Variants in ABCC9 observed in about 807,000 individuals in gnomAD.
ABCC9 encodes ATP binding cassette subfamily C member 9.
A neutral mutation model predicts 188.3 loss-of-function variants in ABCC9; 95 were observed. The ratio of observed to expected loss-of-function variants is 0.50; its 90% CI spans 0.43 to 0.60. ABCC9 has a LOEUF of 0.60. Ranked by LOEUF, ABCC9 falls within the 20% of genes least tolerant of loss-of-function variation. The pLI is 0.00. For synonymous variants in ABCC9, 659 were observed against 652.7 expected, an observed-to-expected ratio of 1.01 and a Z score of -0.15; for missense variants, 1,102 against 1,876.3, an observed-to-expected ratio of 0.59 and a Z score of 7.62.
chr12:21,857,674 A>G (rs777449319), intron 22 of ABCC9, among the ~76,000 whole-genome samples: 2 of 152,146 alleles, frequency 1.3e-5, no homozygotes, highest in Non-Finnish European at 2.9e-5. Context: ...AGAGAGGAAG[A>G]CGTGACTATG....
chr12:21,893,440 T>C (rs771414423), intron 14 of ABCC9, among the ~76,000 whole-genome samples: 8 of 152,182 alleles, frequency 5.3e-5, no homozygotes, highest in Non-Finnish European at 1.2e-4. Context: ...GGCACAGCTT[T>C]AGTGGAAAAC....
intron 30 of ABCC9, chr12:21,831,037 T>C (rs1943731298): frequency 6.7e-6 from 1 of 148,672 alleles, no homozygotes; most frequent in African/African-American, 2.5e-5. Context: ...TCTCTCTATA[T>C]ACACACACGC....
intron 11 of ABCC9, 143 bp from the exon 12 acceptor site, chr12:21,906,431 G>T: frequency 1.3e-6 from 1 of 782,116 alleles, no homozygotes; most frequent in Non-Finnish European, 2.0e-6. Flanking sequence ...GTTCCCAGGA[G>T]AAGCAATTAA....
chr12:21,907,893 A>G (rs536875288), intron 11 of ABCC9, among the ~76,000 whole-genome samples, 184 bp downstream of exon 11: 2 of 152,146 alleles, frequency 1.3e-5, no homozygotes, highest in South Asian at 4.1e-4. Context: ...CAAGTTTTAA[A>G]TTTCCAATCC....
chr12:21,864,680 G>A (rs1315551467), intron 18 of ABCC9, among the ~76,000 whole-genome samples: 1 of 152,082 alleles, frequency 6.6e-6, no homozygotes, highest in South Asian at 2.1e-4. Context: ...TAATTGCTTA[G>A]TAAGCTTCTA....
intron 25 of ABCC9, 51 bp downstream of exon 25, chr12:21,848,099 C>T (rs1167151867): frequency 3.9e-6 from 6 of 1,538,078 alleles, no homozygotes; most frequent in Admixed American, 1.7e-5. Context: ...AAAAAACCCT[C>T]GCATCCTGTT....
At chr12:21,802,826 GGGCCTACATTCT>G (rs1941550132) in intron 39 of ABCC9, among the ~76,000 whole-genome samples, 1 of 152,104 alleles carries the variant, frequency 6.6e-6, no homozygotes, top group Admixed American at 6.5e-5. Flanking sequence ...CCAGAGTTGA[GGGCCTACATTCT>G]GCCCTGGGCC....
chr12:21,844,844 A>G lies in ABCC9; in HGVS notation c.3168T>C (p.Thr1056=). 1.2e-6 allele frequency: 2 copies of G among 1,613,992 alleles called. No individual in the cohort carries two copies. Among genetic ancestry groups the G allele is most frequent in the Non-Finnish European group, 1.7e-6 (2 of 1,179,874 alleles). ...CAGCTGTGAGACCCATCCATTCTAC[A>G]GTGAGGGATGTAACAAGGCAAAGGA... is the stretch of plus-strand genomic sequence containing the variant. ...GIFLCLVTSL[T]VEWMGLTAAK... Residue 1056 remains threonine (T), a synonymous_variant, in exon 27 of 40, where the codon ACT becomes ACC. Transcript: ENST00000261200.
At chr12:21,900,052 G>A (rs1173543040) in intron 12 of ABCC9, among the ~76,000 whole-genome samples, 3 of 152,174 alleles carry the variant, frequency 2.0e-5, no homozygotes, top group Non-Finnish European at 2.9e-5. Flanking sequence ...TAACTGGGAG[G>A]CACCCCCAGT....
chr12:21,824,650 T>C (rs937621754), intron 31 of ABCC9, among the ~76,000 whole-genome samples: 3 of 152,182 alleles, frequency 2.0e-5, no homozygotes, highest in Non-Finnish European at 4.4e-5. Flanking sequence ...AGGCTACTAA[T>C]TATTGCCTCA....
At chr12:21,816,044 T>TTTTTTTG (rs1565693044) in intron 33 of ABCC9, 151 bp from the exon 34 acceptor site, 1 of 33,158 alleles carries the variant, frequency 3.0e-5, no homozygotes, top group Non-Finnish European at 5.7e-5. Context: ...CAGTTTTTTT[T>TTTTTTTG]TTTTTTTTTT....
chr12:21,805,165 C>T, intron 39 of ABCC9: 3 of 1,613,952 alleles, frequency 1.9e-6, no homozygotes, highest in Non-Finnish European at 1.7e-6. Context: ...TGCAATAGAT[C>T]ATGATGGTCT....
chr12:21,883,592 A>G (rs1414961569), intron 15 of ABCC9, among the ~76,000 whole-genome samples: 1 of 152,216 alleles, frequency 6.6e-6, no homozygotes, highest in African/African-American at 2.4e-5. Context: ...TCAGGCTTGT[A>G]AACATTCCAC....
At chr12:21,909,939 G>A (rs550581861) in intron 10 of ABCC9, among the ~76,000 whole-genome samples, 32 of 151,932 alleles carry the variant, frequency 2.1e-4, no homozygotes, top group African/African-American at 4.8e-4. Flanking sequence ...TGTAAATGAC[G>A]GGGTAGGGCA....
intron 15 of ABCC9, among the ~76,000 whole-genome samples, chr12:21,887,493 A>G (rs981011709): frequency 1.3e-5 from 2 of 152,218 alleles, no homozygotes; most frequent in African/African-American, 4.8e-5. Context: ...AAAGTGTAGT[A>G]TAGCTAAATG....
chr12:21,872,251 T>A (rs1244060713), intron 18 of ABCC9, among the ~76,000 whole-genome samples: 3 of 152,216 alleles, frequency 2.0e-5, no homozygotes, highest in African/African-American at 7.2e-5. Flanking sequence ...ATTGAAACTT[T>A]AAGGCACTGT....
chr12:21,869,351 T>A (rs1050228042), intron 18 of ABCC9, among the ~76,000 whole-genome samples: 4 of 152,220 alleles, frequency 2.6e-5, no homozygotes, highest in Non-Finnish European at 4.4e-5. Flanking sequence ...TACCTTCATC[T>A]CTCATCTGAA....
At position 21,807,441 on chromosome 12, in the gene ABCC9, C is replaced by G. The variant is rs747395248; in HGVS notation, c.4354G>C (p.Gly1452Arg). 6.2e-7 allele frequency: 1 copy of G among 1,613,918 alleles called. No homozygotes were observed. The highest frequency in any genetic ancestry group is 8.5e-7 in the Non-Finnish European group (1 of 1,179,856). The change falls in exon 38 of 40, where the codon GGA becomes CGA. Residue 1452 changes from glycine to arginine, a missense_variant. Around this residue, in one of 12 missense-constraint regions of ABCC9, gnomAD observed 40 missense variants for 105.5 expected, o/e 0.38. Transcript: ENST00000261200. ...VTEGGENFSV[G>R]QRQLFCLARA... ...GCAAGGCAAAATAGCTGTCTCTGTCCAACGCTAAAATTCTCCCCACCTTCA... is the reference window on the plus strand; with the variant it reads ...GCAAGGCAAAATAGCTGTCTCTGTCGAACGCTAAAATTCTCCCCACCTTCA...
At chr12:21,886,713 C>T (rs577337703) in intron 15 of ABCC9, among the ~76,000 whole-genome samples, 1 of 152,202 alleles carries the variant, frequency 6.6e-6, no homozygotes, top group South Asian at 2.1e-4. Flanking sequence ...CGAGGGCCCT[C>T]AATCATTGTT....
Sources: allele counts gnomAD v4.1 joint callset (sites outside exome capture counted in the v4.1 genomes callset), GRCh38; gene constraint gnomAD v4.1.1; regional missense constraint gnomAD v4.1.1; transcripts MANE v1.5; gene names NCBI Gene and HGNC (gene_info 2026-07-23, HGNC 2026-07-21).